The following XKR6 variants were observed in gnomAD, a reference collection of about 807,000 sequenced individuals.
The protein encoded by XKR6 is XK-related protein 6.
A neutral mutation model predicts 56.7 loss-of-function variants in XKR6; 22 were observed. The observed-to-expected ratio is 0.39, with a 90% confidence interval of 0.28 to 0.55. XKR6 has a LOEUF of 0.55. Among genes scored for constraint, XKR6 ranks in the 20% least tolerant of loss-of-function variants. XKR6 has a pLI of 0.66. For missense variants in XKR6, 852 were observed against 889.0 expected (o/e 0.96, Z 0.53); for synonymous variants, 524 against 387.8 (o/e 1.35, Z -4.13).
chr8:10,964,352 G>A (rs1488916997), intron 1 of XKR6, among the ~76,000 whole-genome samples: 3 of 152,186 alleles, frequency 2.0e-5, no homozygotes, highest in Non-Finnish European at 2.9e-5. Flanking sequence ...ACCCCTCGGG[G>A]CTGTCCTGAT....
At chr8:11,009,564 G>C (rs532983991) in intron 1 of XKR6, among the ~76,000 whole-genome samples, 4 of 152,326 alleles carry the variant, frequency 2.6e-5, no homozygotes, top group Admixed American at 1.3e-4. Context: ...GAGATAGCAT[G>C]AGCTTAGAAC....
intron 1 of XKR6, among the ~76,000 whole-genome samples, chr8:10,991,105 T>C (rs1797981740): frequency 1.3e-5 from 2 of 152,174 alleles, no homozygotes; most frequent in Admixed American, 6.5e-5. Flanking sequence ...GGTTTCACCA[T>C]GTTGGTCAGT....
rs148570613 is a variant in XKR6, at chr8:11,017,656, T to C, written c.765-92826A>G. Among the ~76,000 whole-genome samples the C allele has an allele frequency of 3.2e-3, 481 of 152,268 alleles. 4 individuals carry two copies. The highest frequency in any genetic ancestry group is 7.3e-3 in the South Asian group (35 of 4,820). On this transcript the variant is annotated intron_variant, in intron 1 of 2. Coordinates refer to ENST00000416569, the MANE Select transcript of XKR6 (RefSeq NM_173683.4). ...CCCACACAGAGCCTCACTTGATCCA[T>C]GTGGCAGTGCCCTGGGAGAGGGCAG... is the stretch of plus-strand genomic sequence containing the variant.
At chr8:11,101,620 C>T (rs1403768971) in intron 1 of XKR6, among the ~76,000 whole-genome samples, 1 of 152,182 alleles carries the variant, frequency 6.6e-6, no homozygotes, top group African/African-American at 2.4e-5. Context: ...TCCACAAGAG[C>T]CAATGAATTT....
intron 1 of XKR6, among the ~76,000 whole-genome samples, chr8:11,160,033 C>G (rs1801716124): frequency 6.6e-6 from 1 of 152,120 alleles, no homozygotes; most frequent in Non-Finnish European, 1.5e-5. Flanking sequence ...GAGATATTAT[C>G]ACATTTCATC....
chr8:11,166,801 G>C (rs1173571725), intron 1 of XKR6, among the ~76,000 whole-genome samples: 1 of 152,106 alleles, frequency 6.6e-6, no homozygotes, highest in Non-Finnish European at 1.5e-5. Context: ...TGGAACTCGT[G>C]ACCTCAGGTG....
intron 1 of XKR6, among the ~76,000 whole-genome samples, chr8:10,932,691 T>C (rs1377660995): frequency 1.5e-5 from 2 of 132,062 alleles, no homozygotes; most frequent in Non-Finnish European, 3.3e-5. Flanking sequence ...TTTTTTGTTC[T>C]GGCGATAGTT....
At chr8:11,074,238 A>G (rs1800208028) in intron 1 of XKR6, among the ~76,000 whole-genome samples, 1 of 152,104 alleles carries the variant, frequency 6.6e-6, no homozygotes, top group Non-Finnish European at 1.5e-5. Context: ...GCCAGGCCAC[A>G]GGGAACTGCA....
intron 1 of XKR6, among the ~76,000 whole-genome samples, chr8:11,084,601 T>C (rs1279141884): frequency 6.6e-6 from 1 of 152,230 alleles, no homozygotes; most frequent in Non-Finnish European, 1.5e-5. Context: ...GGTGTAAATT[T>C]AGAGCTCCAC....
At chr8:10,990,752 A>C (rs1292614190) in intron 1 of XKR6, among the ~76,000 whole-genome samples, 1 of 150,644 alleles carries the variant, frequency 6.6e-6, no homozygotes, top group Non-Finnish European at 1.5e-5. Flanking sequence ...GTTAATGTTT[A>C]AATTTTTTTT....
chr8:11,104,901 C>T (rs1280491280), intron 1 of XKR6: 1 of 152,178 alleles, frequency 6.6e-6, no homozygotes, highest in Non-Finnish European at 1.5e-5. Flanking sequence ...TCACATATAA[C>T]TTTTGGAAGT....
intron 1 of XKR6, among the ~76,000 whole-genome samples, chr8:11,102,868 T>C (rs1329168042): frequency 1.3e-5 from 2 of 152,184 alleles, no homozygotes; most frequent in South Asian, 4.1e-4. Context: ...TTCCCTTCCA[T>C]CACTGCCTTC....
chr8:10,995,138 C>A (rs985598032), intron 1 of XKR6, among the ~76,000 whole-genome samples: 1 of 152,078 alleles, frequency 6.6e-6, no homozygotes, highest in African/African-American at 2.4e-5. Context: ...GATGTATAGA[C>A]GAGAGCATTT....
chr8:10,902,748 C>T (rs1379765831), intron 2 of XKR6, among the ~76,000 whole-genome samples: 1 of 152,198 alleles, frequency 6.6e-6, no homozygotes, highest in East Asian at 1.9e-4. Context: ...CACCTCTGAC[C>T]ACACAGAGCA....
chr8:10,986,123 AGACTGAAGATCACACTG>A (rs1161894478), intron 1 of XKR6, among the ~76,000 whole-genome samples: 2 of 152,264 alleles, frequency 1.3e-5, no homozygotes, highest in Non-Finnish European at 2.9e-5. Flanking sequence ...GACCAGAAAC[AGACTGAAGATCACACTG>A]GAATATGATA....
chr8:10,984,313 T>C (rs1039808751), intron 1 of XKR6, among the ~76,000 whole-genome samples: 4 of 152,214 alleles, frequency 2.6e-5, no homozygotes, highest in Non-Finnish European at 5.9e-5. Context: ...AATTCTTACA[T>C]GGATACACAA....
Position 11,065,549 on chromosome 8 carries a change from C to T in XKR6, c.764+135027G>A, listed in dbSNP as rs187244183. ...CAGTCTCATCTACTTATTTTTTTTT[C>T]TTTCACTCTATTTGCATTTTTACTT... On this transcript the variant is annotated intron_variant, in intron 1 of 2. Transcript: ENST00000416569. Among the ~76,000 whole-genome samples the T allele has an allele frequency of 6.1e-4, 93 of 151,744 alleles. 1 individual carries two copies. The East Asian group carries it at 0.016, about 27-fold the overall frequency.
At chr8:10,989,770 T>C (rs1797946000) in intron 1 of XKR6, among the ~76,000 whole-genome samples, 1 of 152,180 alleles carries the variant, frequency 6.6e-6, no homozygotes, top group Non-Finnish European at 1.5e-5. Flanking sequence ...TTTGGTGACA[T>C]GGGAGGCAAA....
intron 1 of XKR6, among the ~76,000 whole-genome samples, chr8:11,009,136 A>G (rs1005470443): frequency 9.9e-5 from 15 of 152,068 alleles, no homozygotes; most frequent in African/African-American, 3.6e-4. Context: ...TCTTTAGCTA[A>G]TCATTCCATA....
Sources: allele counts gnomAD v4.1 joint callset (sites outside exome capture counted in the v4.1 genomes callset), GRCh38; gene constraint gnomAD v4.1.1; transcripts MANE v1.5; gene names NCBI Gene and HGNC (gene_info 2026-07-23, HGNC 2026-07-21).